The following SAMMSON variants were observed in gnomAD, a reference collection of about 807,000 sequenced individuals.
SAMMSON encodes survival associated mitochondrial melanoma specific oncogenic non-coding RNA.
chr3:70,385,300 T>C (rs1195024968), intron 9 of SAMMSON, among the ~76,000 whole-genome samples: 5 of 152,116 alleles, frequency 3.3e-5, no homozygotes, highest in African/African-American at 1.2e-4. Context: ...TAAGAGGTAC[T>C]CATCAGATAT....
intron 2 of SAMMSON, among the ~76,000 whole-genome samples, chr3:70,398,858 A>G (rs999992497): frequency 1.3e-5 from 2 of 152,250 alleles, no homozygotes; most frequent in African/African-American, 4.8e-5. Flanking sequence ...CCCTAATTCC[A>G]AAATTATGAG....
intron 3 of SAMMSON, chr3:70,068,099 T>G (rs972496572): frequency 2.0e-5 from 3 of 152,012 alleles, no homozygotes; most frequent in African/African-American, 7.2e-5. Flanking sequence ...GAAGGTAACT[T>G]GCTTTTGGAG....
At chr3:70,230,513 TAC>T (rs984353715) in intron 4 of SAMMSON, among the ~76,000 whole-genome samples, 3 of 137,058 alleles carry the variant, frequency 2.2e-5, no homozygotes, top group South Asian at 2.4e-4. Context: ...TATATATATA[TAC>T]AGTTTTGCAA....
chr3:70,289,669 C>T (rs1463690149), intron 6 of SAMMSON, among the ~76,000 whole-genome samples: 2 of 151,956 alleles, frequency 1.3e-5, no homozygotes, highest in South Asian at 2.1e-4. Context: ...CAACTTGGTT[C>T]CATTCTCCCC....
At chr3:70,296,630 A>G (rs1702291907) in intron 7 of SAMMSON, among the ~76,000 whole-genome samples, 1 of 152,114 alleles carries the variant, frequency 6.6e-6, no homozygotes, top group South Asian at 2.1e-4. Flanking sequence ...CTTGTCCTTG[A>G]TGTTTTCTTT....
intron 3 of SAMMSON, among the ~76,000 whole-genome samples, chr3:70,056,709 A>G (rs2067169254): frequency 6.6e-6 from 1 of 152,022 alleles, no homozygotes; most frequent in Non-Finnish European, 1.5e-5. Context: ...TTCTTATTAC[A>G]TGTTAAAATA....
At chr3:70,387,230 A>T (rs1048626509) in intron 9 of SAMMSON, among the ~76,000 whole-genome samples, 3 of 152,118 alleles carry the variant, frequency 2.0e-5, no homozygotes, top group Admixed American at 2.0e-4. Context: ...GGTTGATATA[A>T]GGCAAAGTAG....
chr3:70,255,100 T>C (rs1040679941), intron 6 of SAMMSON, among the ~76,000 whole-genome samples: 3 of 152,194 alleles, frequency 2.0e-5, no homozygotes, highest in Non-Finnish European at 2.9e-5. Flanking sequence ...AATTGAAAGT[T>C]CAACTAATGA....
intron 9 of SAMMSON, among the ~76,000 whole-genome samples, chr3:70,377,550 TA>T (rs1703028226): frequency 6.6e-6 from 1 of 152,086 alleles, no homozygotes; most frequent in East Asian, 1.9e-4. Context: ...TAAGAGAATT[TA>T]GAAGAATGTT....
At chr3:70,252,806 G>A (rs1024658414) in intron 6 of SAMMSON, among the ~76,000 whole-genome samples, 10 of 152,256 alleles carry the variant, frequency 6.6e-5, no homozygotes, top group South Asian at 2.1e-4. Context: ...AAGGCCAGGC[G>A]CGGTGGCTCA....
At chr3:70,016,855 A>G (rs2066988289) in intron 3 of SAMMSON, among the ~76,000 whole-genome samples, 1 of 152,104 alleles carries the variant, frequency 6.6e-6, no homozygotes, top group Admixed American at 6.5e-5. Context: ...TCCTTTCCCC[A>G]TTTCTTGTTT....
chr3:70,364,497 C>T (rs998197801), intron 9 of SAMMSON, among the ~76,000 whole-genome samples: 2 of 151,784 alleles, frequency 1.3e-5, no homozygotes, highest in African/African-American at 2.4e-5. Context: ...CTTTAACAAG[C>T]GGCTTGAACT....
At chr3:70,300,157 A>T (rs573484394) in intron 7 of SAMMSON, among the ~76,000 whole-genome samples, 1 of 152,080 alleles carries the variant, frequency 6.6e-6, no homozygotes, top group South Asian at 2.1e-4. Context: ...CCTTCCATTT[A>T]TTCATGTCAT....
rs556097679 is a variant in SAMMSON at position 70,327,580 on chromosome 3, C to T, written n.740-26595C>T. On this transcript the variant is annotated intron_variant and non_coding_transcript_variant, in intron 7 of 9. Transcript: ENST00000642114. ...GTCTTCAGCAAAATATGGCTCAATCCGTCCAAGTGAGGAAACTTCAGAGTC... is the reference window on the plus strand; with the variant it reads ...GTCTTCAGCAAAATATGGCTCAATCTGTCCAAGTGAGGAAACTTCAGAGTC... 4.6e-5 allele frequency among the ~76,000 whole-genome samples: 7 copies of T among 152,080 alleles called. No homozygotes were observed. The South Asian group carries it at 6.2e-4, about 13-fold the overall frequency.
intron 4 of SAMMSON, among the ~76,000 whole-genome samples, chr3:70,227,848 C>T (rs905212938): frequency 8.5e-5 from 13 of 152,128 alleles, no homozygotes; most frequent in African/African-American, 2.9e-4. Flanking sequence ...TAGTAGTAAG[C>T]GGCAGAGCTG....
At chr3:70,125,841 T>G in intron 4 of SAMMSON, 1 of 670,114 alleles carries the variant, frequency 1.5e-6, no homozygotes, top group South Asian at 1.6e-5. Flanking sequence ...GTTCCATTAG[T>G]TTGTTCATTT....
At position 70,173,434 on chromosome 3, in the gene SAMMSON, A is replaced by G. The variant is rs558002047; in HGVS notation, n.508-75673A>G. Among the ~76,000 whole-genome samples the G allele has an allele frequency of 8.5e-5, 13 of 152,074 alleles. No homozygotes were observed. The East Asian group carries it at 1.4e-3, about 16-fold the overall frequency. On this transcript the variant is annotated intron_variant and non_coding_transcript_variant, in intron 4 of 9. Coordinates refer to ENST00000642114, the Ensembl canonical transcript of SAMMSON. Reference sequence around the variant, plus strand: ...CAAATAATGATATAAAATTTGTTCAAAATTTTCACAGCAGTAACAACCAAA... The same window carrying G: ...CAAATAATGATATAAAATTTGTTCAGAATTTTCACAGCAGTAACAACCAAA...
At chr3:70,213,838 A>C (rs1576157759) in intron 4 of SAMMSON, among the ~76,000 whole-genome samples, 2 of 152,228 alleles carry the variant, frequency 1.3e-5, no homozygotes, top group Admixed American at 1.3e-4. Flanking sequence ...CTTTCTTTAC[A>C]TGTGTAGATC....
At chr3:70,233,508 A>G (rs1701580619) in intron 4 of SAMMSON, among the ~76,000 whole-genome samples, 1 of 152,230 alleles carries the variant, frequency 6.6e-6, no homozygotes, top group Non-Finnish European at 1.5e-5. Context: ...ATTACATACA[A>G]TAATTGACAA....
Sources: allele counts gnomAD v4.1 joint callset (sites outside exome capture counted in the v4.1 genomes callset), GRCh38; gene constraint gnomAD v4.1.1; transcripts MANE v1.5; gene names NCBI Gene and HGNC (gene_info 2026-07-23, HGNC 2026-07-21).